The following TMTC2 variants were observed in gnomAD, a reference collection of about 807,000 sequenced individuals.
TMTC2 encodes the protein protein O-mannosyl-transferase TMTC2.
Under a neutral mutation model 82.4 loss-of-function variants are expected in TMTC2, and 43 were observed. The observed-to-expected ratio is 0.52, with a 90% CI of 0.41 to 0.67. The LOEUF is 0.67. Ranked by LOEUF, TMTC2 falls within the 30% of genes least tolerant of loss-of-function variation. The pLI is 0.00. For synonymous variants in TMTC2, 408 were observed against 381.9 expected (o/e 1.07, Z -0.80); for missense variants, 919 against 1,012.4 (o/e 0.91, Z 1.25).
At chr12:82,750,863 A>C (rs1372215602) in intron 1 of TMTC2, among the ~76,000 whole-genome samples, 1 of 152,154 alleles carries the variant, frequency 6.6e-6, no homozygotes, top group Non-Finnish European at 1.5e-5. Context: ...GTGCTTAGTA[A>C]ATAGTTATTG....
intron 11 of TMTC2, among the ~76,000 whole-genome samples, chr12:83,099,105 T>C (rs1477768847): frequency 1.3e-5 from 2 of 152,240 alleles, no homozygotes; most frequent in Non-Finnish European, 2.9e-5. Flanking sequence ...TCAGACTTTC[T>C]GAATGCCAAT....
At chr12:82,769,701 C>G (rs1877181372) in intron 1 of TMTC2, among the ~76,000 whole-genome samples, 1 of 152,146 alleles carries the variant, frequency 6.6e-6, no homozygotes, top group Non-Finnish European at 1.5e-5. Context: ...GCCTCCACCT[C>G]CCGGGTTCAT....
chr12:83,134,022 A>G lies in TMTC2; in HGVS notation c.*1633A>G, dbSNP rs1885353483. 1 of 152,590 alleles carries G rather than the reference A, an allele frequency of 6.6e-6. No homozygotes were observed. Among genetic ancestry groups the G allele is most frequent in the South Asian group, 2.1e-4 (1 of 4,826 alleles). 9.5% of individuals were successfully genotyped at this position (152,590 alleles called of 1,614,324 possible). On this transcript the variant is annotated 3_prime_UTR_variant, in exon 12 of 12. Transcript: ENST00000321196. ...TATGTTTTTCTATGTATCTGAATAC[A>G]GTGGGATAAATAATTGAAAGTAGTG...
At chr12:83,043,359 TA>T (rs1392512027) in intron 9 of TMTC2, among the ~76,000 whole-genome samples, 1 of 152,212 alleles carries the variant, frequency 6.6e-6, no homozygotes, top group African/African-American at 2.4e-5. Context: ...AAACACCCCA[TA>T]AGTGACTTGC....
At chr12:82,856,138 C>T (rs1000242473) in intron 1 of TMTC2, among the ~76,000 whole-genome samples, 1 of 152,182 alleles carries the variant, frequency 6.6e-6, no homozygotes, top group Non-Finnish European at 1.5e-5. Context: ...GCCAAGGAGA[C>T]CAGCATGGTG....
At chr12:82,979,340 A>T in intron 7 of TMTC2, among the ~76,000 whole-genome samples, 1 of 151,128 alleles carries the variant, frequency 6.6e-6, no homozygotes, top group Admixed American at 6.6e-5. Flanking sequence ...TACATCTTTT[A>T]TATGATTTTA....
At chr12:82,689,500 A>T (rs1257822230) in intron 1 of TMTC2, among the ~76,000 whole-genome samples, 1 of 152,272 alleles carries the variant, frequency 6.6e-6, no homozygotes, top group African/African-American at 2.4e-5. Context: ...TGGTGAATCA[A>T]GTATTCCTAT....
At chr12:82,835,848 A>G (rs1870008339) in intron 1 of TMTC2, among the ~76,000 whole-genome samples, 1 of 152,150 alleles carries the variant, frequency 6.6e-6, no homozygotes, top group Non-Finnish European at 1.5e-5. Flanking sequence ...TTGACGTCAC[A>G]TAAACCTCCG....
At chr12:82,871,085 A>G (rs1195772928) in intron 2 of TMTC2, among the ~76,000 whole-genome samples, 2 of 152,228 alleles carry the variant, frequency 1.3e-5, no homozygotes, top group African/African-American at 4.8e-5. Context: ...GAGAACCACC[A>G]TTTATCAAGG....
rs201234820 is a variant in TMTC2 at position 82,965,125 on chromosome 12, G to T, written c.1684+16G>T. ...ACCCTGGCTTGTAAGTAATACTCAA[G>T]TGTTTATTTTTTTATACCTCTTTCC... On this transcript the variant is annotated intron_variant, in intron 5 of 11. Coordinates refer to ENST00000321196, the MANE Select transcript of TMTC2 (RefSeq NM_152588.3). 1 of 1,575,772 alleles carries T rather than the reference G, an allele frequency of 6.3e-7. No individual in the cohort carries two copies. Among genetic ancestry groups the T allele is most frequent in the South Asian group, 1.1e-5 (1 of 87,198 alleles).
chr12:83,049,589 G>A (rs929444700), intron 9 of TMTC2, among the ~76,000 whole-genome samples: 10 of 152,084 alleles, frequency 6.6e-5, no homozygotes, highest in South Asian at 2.1e-4. Flanking sequence ...TTAATTCCAC[G>A]TCTTTGCTAT....
intron 4 of TMTC2, among the ~76,000 whole-genome samples, chr12:82,938,224 C>T (rs1283774129): frequency 1.3e-5 from 2 of 151,894 alleles, no homozygotes; most frequent in Admixed American, 6.6e-5. Flanking sequence ...TTTTTAGATT[C>T]AATCCTAATA....
chr12:82,836,393 T>C (rs1050930530), intron 1 of TMTC2, among the ~76,000 whole-genome samples: 1 of 152,126 alleles, frequency 6.6e-6, no homozygotes, highest in Non-Finnish European at 1.5e-5. Context: ...AAGATCCTTA[T>C]AAGGGAAAGA....
intron 1 of TMTC2, among the ~76,000 whole-genome samples, chr12:82,712,308 T>C (rs1217665653): frequency 6.6e-6 from 1 of 151,780 alleles, no homozygotes; most frequent in Non-Finnish European, 1.5e-5. Flanking sequence ...CACGCGCCTG[T>C]AATCCCAGCT....
chr12:82,767,722 T>C (rs1027522243), intron 1 of TMTC2, among the ~76,000 whole-genome samples: 1 of 152,242 alleles, frequency 6.6e-6, no homozygotes, highest in African/African-American at 2.4e-5. Flanking sequence ...TTTTTGTCTT[T>C]TCTTTGGTAC....
At chr12:83,024,508 G>T (rs118186668) in intron 8 of TMTC2, among the ~76,000 whole-genome samples, 1 of 152,146 alleles carries the variant, frequency 6.6e-6, no homozygotes, top group Non-Finnish European at 1.5e-5. Context: ...ACTCACTATT[G>T]TAAGAAATTC....
chr12:82,835,843 G>A (rs569821245), intron 1 of TMTC2, among the ~76,000 whole-genome samples: 34 of 152,074 alleles, frequency 2.2e-4, no homozygotes, highest in Non-Finnish European at 3.1e-4. Context: ...CCCACTTGAC[G>A]TCACATAAAC....
intron 8 of TMTC2, among the ~76,000 whole-genome samples, chr12:82,990,312 A>G (rs1879346501): frequency 1.3e-5 from 2 of 152,184 alleles, no homozygotes; most frequent in East Asian, 1.9e-4. Flanking sequence ...GATTATTAGT[A>G]CTTTTATTAC....
At chr12:82,724,411 A>G (rs1033484037) in intron 1 of TMTC2, among the ~76,000 whole-genome samples, 2 of 152,194 alleles carry the variant, frequency 1.3e-5, no homozygotes, top group African/African-American at 4.8e-5. Flanking sequence ...GGAGATGATT[A>G]GATCATGGGG....
Sources: allele counts gnomAD v4.1 joint callset (sites outside exome capture counted in the v4.1 genomes callset), GRCh38; gene constraint gnomAD v4.1.1; transcripts MANE v1.5; gene names NCBI Gene and HGNC (gene_info 2026-07-23, HGNC 2026-07-21).